The following CECR2 variants were observed in gnomAD, a reference collection of about 807,000 sequenced individuals.
CECR2 encodes CECR2 histone acetyl-lysine reader, also known as chromatin remodeling regulator CECR2.
Under a neutral mutation model 154.5 loss-of-function variants are expected in CECR2, and 30 were observed. The observed-to-expected ratio is 0.19, with a 90% CI of 0.15 to 0.26. The LOEUF (loss-of-function observed/expected upper bound fraction) is 0.26, where lower values mean the gene tolerates loss of function less well. CECR2 is among the 10% of genes least tolerant of loss of function. The probability of loss-of-function intolerance (pLI) is 1.00; values close to 1 mark genes in which losing one functional copy is unlikely to be tolerated. For missense variants in CECR2, 1,743 were observed against 1,829.3 expected (o/e 0.95, Z 0.86); for synonymous variants, 725 against 683.7 (o/e 1.06, Z -0.94).
chr22:17,499,287 C>CGA, intron 3 of CECR2, 123 bp from the exon 4 acceptor site: 1 of 1,217,212 alleles, frequency 8.2e-7, no homozygotes, highest in Non-Finnish European at 1.1e-6. Context: ...CCACGCCCAG[C>CGA]GATACTTGGG....
At position 17,524,120 on chromosome 22, in the gene CECR2, G is replaced by C. The variant is rs377543712; in HGVS notation, c.957G>C (p.Glu319Asp). 9 of 1,583,634 alleles carry C rather than the reference G, an allele frequency of 5.7e-6. No individual in the cohort carries two copies. The highest frequency in any genetic ancestry group is 4.0e-5 in the African/African-American group (3 of 74,252). The stretch of plus-strand genomic sequence containing the variant: ...ATGTGCTCATTGGCTCCTCACAGGA[G>C]ACTCCTGTGCTGACCAGAATAGAAA... Reference protein sequence around the residue: ...HLSIKPVKQEETPVLTRIEKQ... With the variant: ...HLSIKPVKQEDTPVLTRIEKQ... The change falls in exon 9 of 19, where the codon GAG becomes GAC. Residue 319 changes from glutamate to aspartate, a missense_variant and splice_region_variant. By Grantham distance (45) the Glu-to-Asp change is conservative. Coordinates refer to ENST00000262608, the MANE Select transcript of CECR2 (RefSeq NM_001290047.2).
At chr22:17,528,048 CT>C (rs1233656068) in intron 9 of CECR2, among the ~76,000 whole-genome samples, 2 of 152,184 alleles carry the variant, frequency 1.3e-5, no homozygotes, top group African/African-American at 4.8e-5. Flanking sequence ...ATTAATCCCA[CT>C]GCTGGGTATA....
Position 17,511,797 on chromosome 22 carries a change from T to G in CECR2, c.871-16T>G. ...TAATCTATCTTTTCCTTTCTCTTCT[T>G]CACTTCTAACTATAGGGAAAACGTC... is the stretch of plus-strand genomic sequence containing the variant. On this transcript the variant is annotated splice_polypyrimidine_tract_variant and intron_variant, in intron 7 of 18. Coordinates refer to ENST00000262608, the MANE Select transcript of CECR2 (RefSeq NM_001290047.2). 6.2e-7 allele frequency: 1 copy of G among 1,603,494 alleles called. No individual in the cohort carries two copies. Among genetic ancestry groups the G allele is most frequent in the Non-Finnish European group, 8.5e-7 (1 of 1,173,372 alleles).
chr22:17,459,563 G>A (rs115504681), intron 1 of CECR2, among the ~76,000 whole-genome samples: 71 of 152,150 alleles, frequency 4.7e-4, no homozygotes, highest in African/African-American at 1.3e-3. Flanking sequence ...CTCCCCCGGC[G>A]TCGGCCTCAC....
chr22:17,511,740 A>G (rs972855753), intron 7 of CECR2, 73 bp from the exon 8 acceptor site: 7 of 1,305,880 alleles, frequency 5.4e-6, no homozygotes, highest in Non-Finnish European at 7.6e-6. Flanking sequence ...TGGCGGCAGC[A>G]GCAGCAGCAG....
chr22:17,394,012 C>T (rs138064481), intron 1 of CECR2, among the ~76,000 whole-genome samples: 7,559 of 151,238 alleles, frequency 0.05, 284 homozygotes, highest in African/African-American at 0.11. Context: ...CTCAGCCTCC[C>T]GAGTAGCTGG....
At chr22:17,394,197 C>CTTTTTT (rs71200271) in intron 1 of CECR2, among the ~76,000 whole-genome samples, 2 of 97,096 alleles carry the variant, frequency 2.1e-5, no homozygotes, top group African/African-American at 4.2e-5. Context: ...GCTGCCGCTG[C>CTTTTTT]TTTTTTTTTT....
chr22:17,383,932 C>A (rs2063230192), intron 1 of CECR2, among the ~76,000 whole-genome samples: 1 of 152,164 alleles, frequency 6.6e-6, no homozygotes, highest in Non-Finnish European at 1.5e-5. Flanking sequence ...CTCGGCCTCC[C>A]AAAGTGCTGG....
intron 1 of CECR2, among the ~76,000 whole-genome samples, chr22:17,371,498 A>T (rs979858969): frequency 6.6e-6 from 1 of 152,252 alleles, no homozygotes; most frequent in African/African-American, 2.4e-5. Context: ...AAGAAGAGAA[A>T]CAGAGACACG....
Position 17,549,451 on chromosome 22 carries a change from C to T in CECR2, c.4164C>T (p.Pro1388=). ...TQPNGLSQEG[P]IYRCQEEGLG... ...CCAACGGCCTCTCTCAGGAGGGTCC[C>T]ATCTATCGCTGCCAGGAAGAAGGCC... The change falls in exon 17 of 19, where the codon CCC becomes CCT. Residue 1388 remains proline (P), a synonymous_variant. Transcript: ENST00000262608. The T allele has an allele frequency of 6.2e-7, 1 of 1,612,400 alleles. No homozygotes were observed. The highest frequency in any genetic ancestry group is 1.1e-5 in the South Asian group (1 of 90,834).
chr22:17,523,683 G>A (rs1017497500), intron 8 of CECR2, among the ~76,000 whole-genome samples: 1 of 150,528 alleles, frequency 6.6e-6, no homozygotes, highest in African/African-American at 2.4e-5. Context: ...GTGAACCCGG[G>A]AGGCAGAGCT....
At chr22:17,421,172 C>CA (rs1239859065) in intron 1 of CECR2, among the ~76,000 whole-genome samples, 6 of 152,080 alleles carry the variant, frequency 3.9e-5, no homozygotes, top group Admixed American at 1.3e-4. Flanking sequence ...TGACCTGTAT[C>CA]ATTTCCATTC....
chr22:17,524,976 A>C (rs958278503), intron 9 of CECR2: 1 of 203,754 alleles, frequency 4.9e-6, no homozygotes, highest in Non-Finnish European at 1.0e-5. Context: ...CACATTAAGG[A>C]TTTTAGAATT....
At chr22:17,369,355 T>TGGGGCGGGGGC (rs1279689094), upstream of CECR2, 8 of 147,276 alleles carry the variant, frequency 5.4e-5, no homozygotes, top group African/African-American at 7.6e-5. Context: ...CGGGCGGGGG[T>TGGGGCGGGGGC]GGGGCGGGGG....
chr22:17,496,520 A>G lies in CECR2; in HGVS notation c.222-883A>G, dbSNP rs932357422. ...GTCTCAAAAAAAAAAAGAAAGAAAG[A>G]AAAATCAAAGAAAAAAAATTTAGAA... On this transcript the variant is annotated intron_variant, in intron 2 of 18. Coordinates refer to ENST00000262608, the MANE Select transcript of CECR2 (RefSeq NM_001290047.2). Among the ~76,000 whole-genome samples, 4 of 152,090 alleles carry G rather than the reference A, an allele frequency of 2.6e-5. No individual in the cohort carries two copies. The South Asian group carries it at 6.2e-4, about 24-fold the overall frequency.
intron 1 of CECR2, among the ~76,000 whole-genome samples, chr22:17,385,724 A>G (rs74276434): frequency 6.6e-5 from 10 of 152,170 alleles, no homozygotes; most frequent in Non-Finnish European, 1.3e-4. Context: ...TAGACTTGCT[A>G]CTCGCAGGGT....
intron 1 of CECR2, among the ~76,000 whole-genome samples, chr22:17,395,591 C>T (rs904062550): frequency 3.9e-5 from 6 of 152,150 alleles, no homozygotes; most frequent in African/African-American, 1.4e-4. Flanking sequence ...GTGATATGCC[C>T]GCCTCAGCCC....
At chr22:17,495,885 A>C (rs939026847) in intron 2 of CECR2, among the ~76,000 whole-genome samples, 9 of 135,676 alleles carry the variant, frequency 6.6e-5, no homozygotes, top group Non-Finnish European at 1.4e-4. Flanking sequence ...AAAAAAAAAA[A>C]GGTATTTACA....
chr22:17,535,811 A>G (rs1324183499), intron 9 of CECR2, among the ~76,000 whole-genome samples: 1 of 152,144 alleles, frequency 6.6e-6, no homozygotes, highest in Admixed American at 6.5e-5. Flanking sequence ...ATTAAAGGAG[A>G]TATAGATTAG....
Sources: gnomAD v4.1 joint callset for allele counts (sites outside exome capture counted in the v4.1 genomes callset) on GRCh38, gnomAD v4.1.1 for gene constraint, MANE v1.5 for transcripts, NCBI Gene and HGNC (gene_info 2026-07-23, HGNC 2026-07-21) for gene names.